The following ATF7 variants were observed in gnomAD, a reference collection of about 807,000 sequenced individuals.
ATF7 encodes the protein activating transcription factor 7.
Under a neutral mutation model 50.4 loss-of-function variants are expected in ATF7, and 10 were observed. The ratio of observed to expected loss-of-function variants is 0.20; its 90% CI spans 0.12 to 0.34. The LOEUF is 0.34. Ranked by LOEUF, ATF7 falls within the 10% of genes least tolerant of loss-of-function variation. The pLI is 1.00. For synonymous variants in ATF7, 201 were observed against 226.4 expected (o/e 0.89, Z 1.01); for missense variants, 465 against 613.9 (o/e 0.76, Z 2.56).
chr12:53,591,410 T>C (rs908212990), intron 2 of ATF7, among the ~76,000 whole-genome samples: 2 of 152,180 alleles, frequency 1.3e-5, no homozygotes, highest in African/African-American at 4.8e-5. Flanking sequence ...TGGCATTTTA[T>C]AGTGACTAGT....
At chr12:53,601,621 C>T (rs1476649828) in intron 1 of ATF7, among the ~76,000 whole-genome samples, 1 of 152,188 alleles carries the variant, frequency 6.6e-6, no homozygotes, top group Non-Finnish European at 1.5e-5. Flanking sequence ...TCCTCCTCCC[C>T]CCACCAATCG....
intron 2 of ATF7, among the ~76,000 whole-genome samples, chr12:53,584,552 A>G (rs990862144): frequency 6.6e-6 from 1 of 152,210 alleles, no homozygotes; most frequent in Non-Finnish European, 1.5e-5. Flanking sequence ...AAATGAACAG[A>G]AAACTTATGT....
In ATF7 at chr12:53,523,086, G is replaced by GATA. The variant is rs947799142; in HGVS notation, c.1234+187_1234+189dup. On this transcript the variant is annotated intron_variant, in intron 11 of 11. Transcript: ENST00000420353. ...TACCCTTCAACCCCCAACTATAACA[G>GATA]ATAATTAGCTCTATATCGTCTACAA... 51 of 531,074 alleles carry GATA rather than the reference G, an allele frequency of 9.6e-5. No individual in the cohort carries two copies. The Admixed American group carries it at 1.7e-3, about 18-fold the overall frequency. 32.9% of individuals were successfully genotyped at this position (531,074 alleles called of 1,614,324 possible).
At chr12:53,550,323 CAAAA>C (rs72114384) in intron 3 of ATF7, among the ~76,000 whole-genome samples, 13,205 of 126,102 alleles carry the variant, frequency 0.1, 1,138 homozygotes, top group East Asian at 0.23. Flanking sequence ...GACCCTGTCT[CAAAA>C]AAAAAAATAA....
intron 2 of ATF7, among the ~76,000 whole-genome samples, chr12:53,578,803 AT>A (rs1423357936): frequency 2.5e-3 from 360 of 145,350 alleles, no homozygotes; most frequent in South Asian, 8.0e-3. Flanking sequence ...AAAAAAAAAA[AT>A]ATCTGGGATT....
intron 1 of ATF7, among the ~76,000 whole-genome samples, chr12:53,604,498 T>C (rs1943525902): frequency 6.6e-6 from 1 of 152,212 alleles, no homozygotes; most frequent in Admixed American, 6.5e-5. Flanking sequence ...ATGGAGTCTG[T>C]CACTGAGGAC....
chr12:53,535,770 A>G (rs1460452923), intron 5 of ATF7, among the ~76,000 whole-genome samples: 1 of 152,178 alleles, frequency 6.6e-6, no homozygotes, highest in African/African-American at 2.4e-5. Context: ...AAACTGTTAG[A>G]TGTCCAATTT....
intron 1 of ATF7, among the ~76,000 whole-genome samples, chr12:53,601,724 T>C (rs1328003898): frequency 1.3e-5 from 2 of 152,170 alleles, no homozygotes; most frequent in Non-Finnish European, 2.9e-5. Context: ...AAATGTCGAC[T>C]CTTTGGGGGT....
chr12:53,509,572 C>T (rs1033151376), downstream of ATF7, among the ~76,000 whole-genome samples: 2 of 150,330 alleles, frequency 1.3e-5, no homozygotes, highest in South Asian at 2.1e-4. Context: ...GGTGCGATCT[C>T]GGCTCACCGC....
intron 4 of ATF7, among the ~76,000 whole-genome samples, chr12:53,542,095 T>C (rs1939588294): frequency 1.4e-5 from 2 of 144,394 alleles, no homozygotes; most frequent in Non-Finnish European, 3.0e-5. Flanking sequence ...TGTGAGCCAC[T>C]GCGCCTGGCC....
At chr12:53,569,534 T>C (rs1941631593) in intron 2 of ATF7, among the ~76,000 whole-genome samples, 1 of 152,238 alleles carries the variant, frequency 6.6e-6, no homozygotes, top group South Asian at 2.1e-4. Flanking sequence ...ATTTACATTA[T>C]TATATTTATC....
chr12:53,573,644 T>G (rs80284162), intron 2 of ATF7, among the ~76,000 whole-genome samples: 5,837 of 152,238 alleles, frequency 0.038, 217 homozygotes, highest in East Asian at 0.19. Flanking sequence ...ATGCCTCCAC[T>G]GGGAATCTTG....
chr12:53,560,320 G>A (rs1941027043), intron 2 of ATF7, among the ~76,000 whole-genome samples: 1 of 151,990 alleles, frequency 6.6e-6, no homozygotes, highest in African/African-American at 2.4e-5. Flanking sequence ...AATGCCTAGA[G>A]ATACTGCAGT....
chr12:53,563,387 G>A (rs981411050), intron 2 of ATF7, among the ~76,000 whole-genome samples: 12 of 152,186 alleles, frequency 7.9e-5, no homozygotes, highest in Non-Finnish European at 1.3e-4. Context: ...AGGCTGAGGC[G>A]GGAGAATTGC....
chr12:53,552,055 T>C (rs1940391954), intron 3 of ATF7, among the ~76,000 whole-genome samples: 1 of 152,206 alleles, frequency 6.6e-6, no homozygotes, highest in African/African-American at 2.4e-5. Context: ...GCTTTGGAAA[T>C]GTGCCCTCAA....
intron 2 of ATF7, among the ~76,000 whole-genome samples, chr12:53,593,017 T>A (rs571208435): frequency 6.6e-6 from 1 of 152,292 alleles, no homozygotes; most frequent in South Asian, 2.1e-4. Context: ...GAAAGGTTTA[T>A]CATTTGGTTA....
chr12:53,526,558 T>C (rs187140304), intron 9 of ATF7, among the ~76,000 whole-genome samples: 202 of 152,326 alleles, frequency 1.3e-3, no homozygotes, highest in African/African-American at 4.6e-3. Context: ...CCTAATACTT[T>C]GGGATGGCTT....
At chr12:53,593,514 C>A (rs1943032903) in intron 2 of ATF7, among the ~76,000 whole-genome samples, 1 of 152,220 alleles carries the variant, frequency 6.6e-6, no homozygotes, top group Non-Finnish European at 1.5e-5. Flanking sequence ...TCAGAAAAAT[C>A]TTCCAGAGAG....
chr12:53,621,137 G>A (rs1944362420), intron 1 of ATF7, among the ~76,000 whole-genome samples: 1 of 152,116 alleles, frequency 6.6e-6, no homozygotes, highest in African/African-American at 2.4e-5. Context: ...GATGTCAGAG[G>A]CAGAATATAC....
Sources: gnomAD v4.1 joint callset for allele counts (sites outside exome capture counted in the v4.1 genomes callset) on GRCh38, gnomAD v4.1.1 for gene constraint, MANE v1.5 for transcripts, NCBI Gene and HGNC (gene_info 2026-07-23, HGNC 2026-07-21) for gene names.